Variants in DMD observed in about 807,000 individuals in gnomAD.
DMD encodes dystrophin, also known as mutant dystrophin.
Under a neutral mutation model 330.1 loss-of-function variants are expected in DMD, and 63 were observed. The observed-to-expected ratio is 0.19, with a 90% CI of 0.16 to 0.24. The LOEUF is 0.24. DMD is among the 10% of genes least tolerant of loss of function. The pLI, the probability that DMD is intolerant of heterozygous loss-of-function variation, is 1.00. For missense variants in DMD, 3,344 were observed against 2,684.1 expected (o/e 1.25, Z -5.43); for synonymous variants, 1,223 against 959.8 (o/e 1.27, Z -5.07).
rs184126348 is a variant in DMD at position 32,340,385 on chromosome X, T to A, written c.5922+1715A>T. Among the ~76,000 whole-genome samples, 244 of 111,819 alleles carry A rather than the reference T, an allele frequency of 2.2e-3. 1 individual carries two copies. The highest frequency in any genetic ancestry group is 7.6e-3 in the African/African-American group (233 of 30,811). On this transcript the variant is annotated intron_variant, in intron 41 of 78. Transcript: ENST00000357033. The stretch of plus-strand genomic sequence containing the variant: ...ATCCCAGAATTTTACTACAATTTTT[T>A]AAAAATATATACTGGTTCACACATG...
chrX:32,526,138 T>C (rs5972592), intron 17 of DMD, among the ~76,000 whole-genome samples: 8,634 of 111,472 alleles, frequency 0.077, 747 homozygotes, highest in African/African-American at 0.26. Flanking sequence ...TTCCGAATGT[T>C]ATCAGACTCT....
intron 34 of DMD, among the ~76,000 whole-genome samples, chrX:32,369,414 C>T (rs16990266): frequency 2.7e-5 from 3 of 111,303 alleles, no homozygotes; most frequent in African/African-American, 6.5e-5. Context: ...AAGGCATGTT[C>T]GGTTCAGGGT....
At chrX:32,935,096 A>G (rs377035219) in intron 2 of DMD, among the ~76,000 whole-genome samples, 2 of 112,305 alleles carry the variant, frequency 1.8e-5, no homozygotes, top group South Asian at 7.3e-4. Context: ...CTCCTGCCTC[A>G]GCCTCCCGAG....
intron 44 of DMD, among the ~76,000 whole-genome samples, chrX:32,128,196 T>C (rs1465402084): frequency 8.9e-6 from 1 of 112,237 alleles, no homozygotes; most frequent in Non-Finnish European, 1.9e-5. Flanking sequence ...TGAGAATGCA[T>C]TGCATACAAT....
intron 9 of DMD, among the ~76,000 whole-genome samples, chrX:32,665,375 A>T (rs2061236651): frequency 8.9e-6 from 1 of 111,975 alleles, no homozygotes; most frequent in Non-Finnish European, 1.9e-5. Context: ...TAAACTCCTA[A>T]TGTTGGTAAG....
At chrX:32,967,854 C>T (rs2092225703) in intron 2 of DMD, among the ~76,000 whole-genome samples, 1 of 111,771 alleles carries the variant, frequency 8.9e-6, no homozygotes, top group Non-Finnish European at 1.9e-5. Flanking sequence ...TAGAATATTT[C>T]TATGCATTCT....
At chrX:32,121,928 G>C (rs1344213650) in intron 44 of DMD, among the ~76,000 whole-genome samples, 2 of 109,702 alleles carry the variant, frequency 1.8e-5, no homozygotes, top group African/African-American at 6.6e-5. Flanking sequence ...ACAAAGTAAG[G>C]AGTAAACGTG....
chrX:33,213,098 C>G (rs745875410), upstream of DMD, among the ~76,000 whole-genome samples: 1 of 111,509 alleles, frequency 9.0e-6, no homozygotes, highest in East Asian at 2.8e-4. Context: ...GACACGAGAC[C>G]TCAAAAGTCA....
intron 73 of DMD, among the ~76,000 whole-genome samples, chrX:31,171,178 A>G (rs2039952933): frequency 8.9e-6 from 1 of 112,160 alleles, no homozygotes; most frequent in Non-Finnish European, 1.9e-5. Context: ...CATCACAGTT[A>G]TGGTTGGGGA....
At chrX:31,478,921 G>C in intron 58 of DMD, 62 bp downstream of exon 58, 10 of 1,156,152 alleles carry the variant, frequency 8.6e-6, no homozygotes, top group Non-Finnish European at 1.1e-5. Context: ...AAGAATGGAT[G>C]GGCTGCTCCG....
intron 13 of DMD, among the ~76,000 whole-genome samples, chrX:32,591,618 C>T (rs140645010): frequency 0.012 from 1,335 of 112,432 alleles, 7 homozygotes; most frequent in Non-Finnish European, 0.019. Context: ...CTGTCTGGAG[C>T]GGCCACTGCA....
At chrX:32,645,877 G>A (rs1167049105) in intron 9 of DMD, among the ~76,000 whole-genome samples, 1 of 112,195 alleles carries the variant, frequency 8.9e-6, no homozygotes, top group Non-Finnish European at 1.9e-5. Flanking sequence ...CTAAAGCCAA[G>A]AGCAAAGTGT....
At chrX:31,708,541 G>A (rs2084368704) in intron 52 of DMD, among the ~76,000 whole-genome samples, 1 of 111,419 alleles carries the variant, frequency 9.0e-6, no homozygotes, top group African/African-American at 3.3e-5. Context: ...AGGATCCTAT[G>A]GCATAAATAA....
At chrX:32,054,894 G>C (rs1033351964) in intron 44 of DMD, among the ~76,000 whole-genome samples, 1 of 98,908 alleles carries the variant, frequency 1.0e-5, no homozygotes, top group South Asian at 5.2e-4. Context: ...GGAGGGGAGG[G>C]GAGGAGAGAG....
chrX:31,137,609 G>A (rs1043173596), intron 76 of DMD, among the ~76,000 whole-genome samples: 2 of 109,852 alleles, frequency 1.8e-5, no homozygotes, highest in African/African-American at 6.6e-5. Flanking sequence ...CTGTTCAAAT[G>A]GTTGAACAGT....
intron 11 of DMD, among the ~76,000 whole-genome samples, chrX:32,616,732 T>C (rs1391594607): frequency 1.1e-5 from 1 of 88,687 alleles, no homozygotes; most frequent in Non-Finnish European, 2.1e-5. Flanking sequence ...AGAATGTTAC[T>C]GAAACCCAAG....
In DMD at chrX:32,005,368, C is replaced by T. The variant is rs998890298; in HGVS notation, c.6439-36854G>A. The stretch of plus-strand genomic sequence containing the variant: ...CCCCCTTGAGCCCACTGAGACCACG[C>T]GGGCCAAAAGCTGTTTCATTTTAAA... On this transcript the variant is annotated intron_variant, in intron 44 of 78. Transcript: ENST00000357033. 7.2e-5 allele frequency among the ~76,000 whole-genome samples: 8 copies of T among 111,044 alleles called. No individual in the cohort carries two copies. The South Asian group carries it at 1.5e-3, about 21-fold the overall frequency.
intron 12 of DMD, among the ~76,000 whole-genome samples, chrX:32,607,693 T>A (rs2056844960): frequency 9.0e-6 from 1 of 110,808 alleles, no homozygotes; most frequent in Non-Finnish European, 1.9e-5. Flanking sequence ...GTCATACATT[T>A]GATAAGGAAA....
chrX:33,310,755 A>G (rs568281891), intron 1 of DMD, among the ~76,000 whole-genome samples: 95 of 111,192 alleles, frequency 8.5e-4, no homozygotes, highest in South Asian at 1.9e-3. Flanking sequence ...TCAGATCAAA[A>G]ATAAAGATTA....
Sources: allele counts gnomAD v4.1 joint callset (sites outside exome capture counted in the v4.1 genomes callset), GRCh38; gene constraint gnomAD v4.1.1; transcripts MANE v1.5; gene names NCBI Gene and HGNC (gene_info 2026-07-23, HGNC 2026-07-21).